Variants in PAX2 observed in about 807,000 individuals in gnomAD.
PAX2 encodes the protein paired box protein Pax-2.
In PAX2, 9 loss-of-function variants were observed where a neutral mutation model predicts 41.7. The ratio of observed to expected loss-of-function variants is 0.22; its 90% confidence interval spans 0.13 to 0.38. PAX2 has a LOEUF of 0.38. Among genes scored for constraint, PAX2 ranks in the 10% least tolerant of loss-of-function variants. PAX2 has a pLI of 1.00. For missense variants in PAX2, 418 were observed against 531.6 expected (o/e 0.79, Z 2.10); for synonymous variants, 221 against 212.7 (o/e 1.04, Z -0.34).
intron 3 of PAX2, among the ~76,000 whole-genome samples, chr10:100,763,411 C>T (rs1312257217): frequency 1.3e-5 from 2 of 152,190 alleles, no homozygotes; most frequent in Non-Finnish European, 2.9e-5. Flanking sequence ...GAAAAATATT[C>T]CAGGAAACAA....
chr10:100,749,505 A>C, intron 1 of PAX2: 8 of 1,327,956 alleles, frequency 6.0e-6, no homozygotes, highest in Admixed American at 3.7e-5. Flanking sequence ...TTTGCTTTCT[A>C]CCTTGCGTCG....
At chr10:100,737,845 G>A (rs1844828432) in intron 1 of PAX2, among the ~76,000 whole-genome samples, 1 of 152,182 alleles carries the variant, frequency 6.6e-6, no homozygotes, top group Admixed American at 6.5e-5. Flanking sequence ...GGACGTCCTG[G>A]CGCAACTGCC....
chr10:100,814,674 C>T (rs1474448528), intron 7 of PAX2, among the ~76,000 whole-genome samples: 1 of 152,240 alleles, frequency 6.6e-6, no homozygotes. Context: ...GGGCACAGTA[C>T]CTTTCTCCCC....
chr10:100,820,494 A>G lies in PAX2; in HGVS notation c.920-4154A>G, dbSNP rs111990287. The stretch of plus-strand genomic sequence containing the variant: ...AGCACTTTTGGAGGCCAAGGCAGGC[A>G]GATCACTTGAGGTCAGGAGTTTGAG... On this transcript the variant is annotated intron_variant, in intron 7 of 9. Transcript: ENST00000355243. Among the ~76,000 whole-genome samples the G allele has an allele frequency of 3.1e-3, 470 of 152,300 alleles. 2 individuals are homozygous for G. Among genetic ancestry groups the G allele is most frequent in the South Asian group, 0.025 (119 of 4,830 alleles).
At chr10:100,815,505 T>C (rs1451843294) in intron 7 of PAX2, among the ~76,000 whole-genome samples, 3 of 152,196 alleles carry the variant, frequency 2.0e-5, no homozygotes, top group Admixed American at 6.5e-5. Flanking sequence ...GAAAAGAGGC[T>C]AGCCTCCTTC....
chr10:100,783,312 TA>T (rs1468326610), intron 5 of PAX2, among the ~76,000 whole-genome samples: 1 of 152,202 alleles, frequency 6.6e-6, no homozygotes, highest in Non-Finnish European at 1.5e-5. Flanking sequence ...TGGGGCATGT[TA>T]AACATGTGAG....
intron 1 of PAX2, among the ~76,000 whole-genome samples, chr10:100,737,961 AT>A (rs1269575452): frequency 6.6e-6 from 1 of 152,242 alleles, no homozygotes; most frequent in Non-Finnish European, 1.5e-5. Flanking sequence ...AGGGGATTGA[AT>A]CAGCAACTAG....
At chr10:100,783,023 C>G (rs1166631661) in intron 5 of PAX2, among the ~76,000 whole-genome samples, 2 of 152,242 alleles carry the variant, frequency 1.3e-5, no homozygotes, top group African/African-American at 2.4e-5. Context: ...GCCAAGTATG[C>G]CAACCTCGTG....
chr10:100,827,702 G>C lies in PAX2; in HGVS notation c.*83G>C. ...CGTCTGACCCCACCCCGGAGGGAGG[G>C]AGGACCGACGCGACGCGATGCCTCC... On this transcript the variant is annotated 3_prime_UTR_variant, in exon 10 of 10. Transcript: ENST00000355243. This position sits in a 1 kb window ranked among gnomAD's most constrained non-coding sequence, Gnocchi z 8.5. 4 of 1,611,324 alleles carry C rather than the reference G, an allele frequency of 2.5e-6. No homozygotes were observed. The highest frequency in any genetic ancestry group is 2.2e-5 in the East Asian group (1 of 44,830).
chr10:100,774,015 G>C (rs576210068), intron 3 of PAX2, among the ~76,000 whole-genome samples: 2 of 152,208 alleles, frequency 1.3e-5, no homozygotes, highest in Non-Finnish European at 2.9e-5. Flanking sequence ...AAAGAGAGGG[G>C]AAGTGGAGAG....
At chr10:100,816,965 A>C (rs1421568670) in intron 7 of PAX2, among the ~76,000 whole-genome samples, 1 of 152,224 alleles carries the variant, frequency 6.6e-6, no homozygotes, top group Non-Finnish European at 1.5e-5. Flanking sequence ...TGGAAGGATT[A>C]GAGCTGACAA....
Position 100,824,527 on chromosome 10 carries a change from C to T in PAX2, c.920-121C>T. ...CAGGTGCACAGTGGCACACATACCC[C>T]TGCACGTCTGCACAGAGCTCTTTCC... On this transcript the variant is annotated intron_variant, in intron 7 of 9. Coordinates refer to ENST00000355243, the MANE Select transcript of PAX2 (RefSeq NM_000278.5). This position sits in a 1 kb window ranked among gnomAD's most constrained non-coding sequence, Gnocchi z 6.6. The T allele has an allele frequency of 1.3e-6, 1 of 789,512 alleles. No individual in the cohort carries two copies. Among genetic ancestry groups the T allele is most frequent in the Non-Finnish European group, 2.3e-6 (1 of 439,488 alleles). The allele number at this position is 789,512 out of a possible 1,614,324, so 48.9% of individuals were successfully genotyped here.
chr10:100,809,320 G>A, intron 7 of PAX2, 84 bp downstream of exon 7: 1 of 1,295,354 alleles, frequency 7.7e-7, no homozygotes, highest in Non-Finnish European at 1.1e-6. Flanking sequence ...AGTGTGAGGA[G>A]CAGGTCCCCC....
At position 100,749,821 on chromosome 10, in the gene PAX2, G is replaced by A; in HGVS notation, c.119G>A (p.Arg40His). Residue 40 changes from arginine (R) to histidine (H), a missense_variant, in exon 2 of 10, where the codon CGC becomes CAC. Transcript: ENST00000355243. ...CCCCTACCCGACGTGGTGAGGCAGC[G>A]CATCGTGGAGCTGGCCCACCAGGGT... ...GRPLPDVVRQ[R>H]IVELAHQGVR... 6.2e-7 allele frequency: 1 copy of A among 1,611,484 alleles called. No individual in the cohort carries two copies. The highest frequency in any genetic ancestry group is 8.5e-7 in the Non-Finnish European group (1 of 1,178,756).
rs115097345 is a variant in PAX2 at position 100,801,115 on chromosome 10, C to T, written c.617-5315C>T. ...TGGCTGGGCAGGCAGCCACTCTGTC[C>T]GTCTATTTAGTCCACAGCTGTCAGG... On this transcript the variant is annotated intron_variant, in intron 5 of 9. Transcript: ENST00000355243. Among the ~76,000 whole-genome samples, 1,137 of 152,186 alleles carry T rather than the reference C, an allele frequency of 7.5e-3. 12 individuals are homozygous for T. Among genetic ancestry groups the T allele is most frequent in the African/African-American group, 0.026 (1,083 of 41,492 alleles).
At chr10:100,737,854 C>T (rs1844828738) in intron 1 of PAX2, among the ~76,000 whole-genome samples, 1 of 152,198 alleles carries the variant, frequency 6.6e-6, no homozygotes. Context: ...GGCGCAACTG[C>T]CGCAGCCGGG....
intron 5 of PAX2, among the ~76,000 whole-genome samples, chr10:100,788,091 C>T (rs1846945153): frequency 6.6e-6 from 1 of 152,142 alleles, no homozygotes; most frequent in South Asian, 2.1e-4. Context: ...TTCTCCCTCT[C>T]CCTCTCTCTT....
chr10:100,808,024 G>A (rs930204232), intron 6 of PAX2, among the ~76,000 whole-genome samples: 2 of 152,134 alleles, frequency 1.3e-5, no homozygotes, highest in African/African-American at 4.8e-5. Context: ...CACCCTCCCT[G>A]AGTCCCCGCC....
In PAX2 at chr10:100,777,125, G is replaced by C. The variant is rs546212863; in HGVS notation, c.411-2373G>C. Among the ~76,000 whole-genome samples, 34 of 142,386 alleles carry C rather than the reference G, an allele frequency of 2.4e-4. No homozygotes were observed. In the East Asian group the frequency reaches 3.7e-3, roughly 15 times the overall value. 93.4% of individuals were successfully genotyped at this position (142,386 alleles called of 152,430 possible). On this transcript the variant is annotated intron_variant, in intron 3 of 9. Coordinates refer to ENST00000355243, the MANE Select transcript of PAX2 (RefSeq NM_000278.5). ...TTTTTTTTTTTTTTTTTTTTGAGAC[G>C]GAGTCTTACTCTGTCGCCTAGGCTG...
Sources: gnomAD v4.1 joint callset for allele counts (sites outside exome capture counted in the v4.1 genomes callset) on GRCh38, gnomAD v4.1.1 for gene constraint, Gnocchi (gnomAD v3.1) non-coding constraint, MANE v1.5 for transcripts, NCBI Gene and HGNC (gene_info 2026-07-23, HGNC 2026-07-21) for gene names.